Variants in ARID1B observed in about 807,000 individuals in gnomAD.
The protein encoded by ARID1B is AT-rich interaction domain 1B.
Under a neutral mutation model 212.3 loss-of-function variants are expected in ARID1B, and 30 were observed. The ratio of observed to expected loss-of-function variants is 0.14; its 90% CI spans 0.11 to 0.19. ARID1B has a LOEUF of 0.19. Among genes scored for constraint, ARID1B ranks in the 10% least tolerant of loss-of-function variants. The pLI, the probability that ARID1B is intolerant of heterozygous loss-of-function variation, is 1.00. For missense variants in ARID1B, 2,891 were observed against 3,204.0 expected (o/e 0.90, Z 2.36); for synonymous variants, 1,402 against 1,301.7 (o/e 1.08, Z -1.66).
intron 6 of ARID1B, among the ~76,000 whole-genome samples, chr6:157,129,094 T>C (rs1481544595): frequency 1.3e-5 from 2 of 152,250 alleles, no homozygotes; most frequent in Non-Finnish European, 2.9e-5. Context: ...AAAGATATTT[T>C]TGGGAGTTTA....
chr6:157,037,108 C>T (rs902723521), intron 4 of ARID1B, among the ~76,000 whole-genome samples: 1 of 152,168 alleles, frequency 6.6e-6, no homozygotes, highest in Non-Finnish European at 1.5e-5. Context: ...ACAAGAGTTT[C>T]GTTTAGCAGT....
At chr6:157,020,820 T>A (rs368909265) in intron 4 of ARID1B, among the ~76,000 whole-genome samples, 5 of 152,268 alleles carry the variant, frequency 3.3e-5, no homozygotes, top group African/African-American at 1.2e-4. Flanking sequence ...CGTGAGTTTA[T>A]GCTGTACGTG....
intron 6 of ARID1B, among the ~76,000 whole-genome samples, chr6:157,129,201 A>G (rs1024126632): frequency 1.3e-5 from 2 of 152,244 alleles, no homozygotes; most frequent in African/African-American, 4.8e-5. Context: ...TGATCCTCAC[A>G]GGATCCGGGA....
chr6:157,149,023 A>C (rs1227847602), intron 8 of ARID1B, 72 bp downstream of exon 8: 1 of 1,449,640 alleles, frequency 6.9e-7, no homozygotes, highest in Non-Finnish European at 9.4e-7. Flanking sequence ...CTGCGCACAT[A>C]GCTGCATTGT....
At chr6:156,972,962 T>C (rs1777022448) in intron 4 of ARID1B, among the ~76,000 whole-genome samples, 1 of 152,256 alleles carries the variant, frequency 6.6e-6, no homozygotes, top group African/African-American at 2.4e-5. Flanking sequence ...TTAATAGTGC[T>C]GTTGAGGATA....
At chr6:157,106,417 G>A (rs925181771) in intron 5 of ARID1B, among the ~76,000 whole-genome samples, 1 of 152,156 alleles carries the variant, frequency 6.6e-6, no homozygotes, top group African/African-American at 2.4e-5. Flanking sequence ...AGTTTCATTC[G>A]GATTGTGGCA....
rs562378347 is a variant in ARID1B, at chr6:157,122,218, C to T, written c.2582-10810C>T. Among the ~76,000 whole-genome samples the T allele has an allele frequency of 7.9e-5, 12 of 152,266 alleles. No homozygotes were observed. The East Asian group carries it at 1.9e-3, about 24-fold the overall frequency. ...TGGCTTAGTCTTTAACACAGGTCTC[C>T]ATAATAGAGATTGAAGTAGCGTTTT... On this transcript the variant is annotated intron_variant, in intron 6 of 19. Transcript: ENST00000636930.
intron 1 of ARID1B, among the ~76,000 whole-genome samples, chr6:156,800,973 A>G (rs1780742595): frequency 6.6e-6 from 1 of 152,216 alleles, no homozygotes; most frequent in African/African-American, 2.4e-5. Flanking sequence ...CAGCAGCACA[A>G]TCTGTTGTCA....
chr6:157,046,007 T>C (rs1782214459), intron 4 of ARID1B, among the ~76,000 whole-genome samples: 1 of 152,210 alleles, frequency 6.6e-6, no homozygotes, highest in Admixed American at 6.5e-5. Flanking sequence ...TTCTCTTCTT[T>C]TGTTAGAAAA....
At position 157,202,045 on chromosome 6, in the gene ARID1B, A is replaced by C. The variant is rs554592869; in HGVS notation, c.5263+557A>C. Reference sequence around the variant, plus strand: ...CAACATACAGTGAATTTCCGTGGGAAAAAGTTAAAGCTTGTATGTAATATG... The same window carrying C: ...CAACATACAGTGAATTTCCGTGGGACAAAGTTAAAGCTTGTATGTAATATG... On this transcript the variant is annotated intron_variant, in intron 18 of 19. Coordinates refer to ENST00000636930, the MANE Select transcript of ARID1B (RefSeq NM_001374828.1). 1.4e-3 allele frequency among the ~76,000 whole-genome samples: 208 copies of C among 152,340 alleles called. 1 individual carries two copies. Among genetic ancestry groups the C allele is most frequent in the Non-Finnish European group, 2.4e-3 (166 of 68,020 alleles).
chr6:156,877,442 G>C (rs1431690509), intron 2 of ARID1B, among the ~76,000 whole-genome samples: 1 of 152,112 alleles, frequency 6.6e-6, no homozygotes, highest in Non-Finnish European at 1.5e-5. Context: ...GTTTCCTTCA[G>C]GTGTCTCTTT....
chr6:156,796,323 C>A (rs1562391521), intron 1 of ARID1B, among the ~76,000 whole-genome samples: 2 of 151,952 alleles, frequency 1.3e-5, no homozygotes, highest in African/African-American at 4.8e-5. Flanking sequence ...TTTTAAGAGC[C>A]CACAGGAAGA....
chr6:157,142,110 C>T (rs867975685), intron 7 of ARID1B, among the ~76,000 whole-genome samples: 1 of 152,264 alleles, frequency 6.6e-6, no homozygotes. Context: ...AGAAGCCAGC[C>T]ACGAAAGCCT....
rs778121932 is a variant in ARID1B at position 156,829,401 on chromosome 6, A to G, written c.1966A>G (p.Met656Val). 1.2e-6 allele frequency: 2 copies of G among 1,614,134 alleles called. No individual in the cohort carries two copies. Among genetic ancestry groups the G allele is most frequent in the East Asian group, 2.2e-5 (1 of 44,876 alleles). The change falls in exon 2 of 20, where the codon ATG (methionine) becomes GTG (valine). Residue 656 changes from methionine to valine, a missense_variant. Met to Val is a conservative substitution (Grantham distance 21). Transcript: ENST00000636930. ...QGRTPGAMAG[M>V]QYPQQQMPPQ... Reference sequence around the variant, plus strand: ...TCGGACTCCCGGGGCCATGGCCGGAATGCAGTACCCTCAGCAGCAGGTTTG... The same window carrying G: ...TCGGACTCCCGGGGCCATGGCCGGAGTGCAGTACCCTCAGCAGCAGGTTTG...
intron 1 of ARID1B, among the ~76,000 whole-genome samples, chr6:156,827,245 A>G (rs977887662): frequency 6.6e-6 from 1 of 152,126 alleles, no homozygotes; most frequent in African/African-American, 2.4e-5. Flanking sequence ...CAAGTTTCCT[A>G]TGTAAACCAC....
chr6:156,897,866 C>T (rs997719568), intron 2 of ARID1B, among the ~76,000 whole-genome samples: 1 of 152,008 alleles, frequency 6.6e-6, no homozygotes, highest in African/African-American at 2.4e-5. Context: ...TTCCTTGATT[C>T]GTTAAAATTT....
intron 1 of ARID1B, among the ~76,000 whole-genome samples, chr6:156,813,041 TACAC>T (rs1491038312): frequency 7.2e-4 from 102 of 141,474 alleles, no homozygotes; most frequent in African/African-American, 2.1e-3. Context: ...CATATATATA[TACAC>T]ATACGTATGT....
intron 7 of ARID1B, chr6:157,140,901 C>T (rs907767710): frequency 1.1e-5 from 4 of 380,900 alleles, no homozygotes; most frequent in Admixed American, 4.5e-5. Context: ...CTCTCGTCAC[C>T]TCATGACATG....
intron 4 of ARID1B, among the ~76,000 whole-genome samples, chr6:156,993,045 C>CT (rs11372694): frequency 0.28 from 37,731 of 135,224 alleles, 6,163 homozygotes; most frequent in African/African-American, 0.46. Context: ...TATGCTTTCG[C>CT]TTTTTTTTTT....
Sources: gnomAD v4.1 joint callset for allele counts (sites outside exome capture counted in the v4.1 genomes callset) on GRCh38, gnomAD v4.1.1 for gene constraint, MANE v1.5 for transcripts, NCBI Gene and HGNC (gene_info 2026-07-23, HGNC 2026-07-21) for gene names.